GATAD2A: variants seen among roughly 807,000 people sequenced by gnomAD.
The protein encoded by GATAD2A is transcriptional repressor p66-alpha.
GATAD2A carries 12 observed loss-of-function variants against 68.5 expected under a neutral mutation model. The observed-to-expected ratio is 0.18, with a 90% confidence interval of 0.11 to 0.28. The LOEUF (loss-of-function observed/expected upper bound fraction) is 0.28, where lower values mean the gene tolerates loss of function less well. Among genes scored for constraint, GATAD2A ranks in the 10% least tolerant of loss-of-function variants. The pLI, the probability that GATAD2A is intolerant of heterozygous loss-of-function variation, is 1.00. For missense variants in GATAD2A, 755 were observed against 868.5 expected (o/e 0.87, Z 1.64); for synonymous variants, 410 against 375.3 (o/e 1.09, Z -1.07).
At chr19:19,387,042 A>C (rs2048484904) in intron 1 of GATAD2A, among the ~76,000 whole-genome samples, 1 of 151,206 alleles carries the variant, frequency 6.6e-6, no homozygotes. Context: ...TCTCTGAGAG[A>C]CCCTCTGCCT....
chr19:19,438,803 T>C lies in GATAD2A; in HGVS notation c.-6-26537T>C, dbSNP rs145086781. The stretch of plus-strand genomic sequence containing the variant: ...ACAGTCTATAAACAGTCGTGGCACA[T>C]GATACTTAGTGGTCAAATAGGCGGA... On this transcript the variant is annotated intron_variant, in intron 1 of 11. Coordinates refer to ENST00000683918, the MANE Select transcript of GATAD2A (RefSeq NM_001384528.1). 5.3e-3 allele frequency among the ~76,000 whole-genome samples: 803 copies of C among 152,330 alleles called. 6 individuals are homozygous for C. The highest frequency in any genetic ancestry group is 0.041 in the South Asian group (197 of 4,832).
chr19:19,407,048 C>T (rs2050360390), intron 1 of GATAD2A, among the ~76,000 whole-genome samples: 1 of 152,158 alleles, frequency 6.6e-6, no homozygotes, highest in South Asian at 2.1e-4. Context: ...TACCAGTTTA[C>T]TTCTTTCAGT....
intron 2 of GATAD2A, among the ~76,000 whole-genome samples, chr19:19,480,261 T>C (rs1418655291): frequency 1.3e-5 from 2 of 152,208 alleles, no homozygotes; most frequent in African/African-American, 4.8e-5. Context: ...CCATTGAATG[T>C]TGGAAAATAG....
chr19:19,456,410 G>A (rs908621415), intron 1 of GATAD2A, among the ~76,000 whole-genome samples: 1 of 152,208 alleles, frequency 6.6e-6, no homozygotes, highest in East Asian at 1.9e-4. Flanking sequence ...AGTTTTCCCC[G>A]AGGTGAGGGT....
chr19:19,457,126 T>TA, intron 1 of GATAD2A: 1 of 985,388 alleles, frequency 1.0e-6, no homozygotes, highest in South Asian at 4.7e-5. Flanking sequence ...ACGCATCCAG[T>TA]ATGTGCAGCA....
At chr19:19,504,608 A>G (rs1469328063) in intron 11 of GATAD2A, among the ~76,000 whole-genome samples, 1 of 150,616 alleles carries the variant, frequency 6.6e-6, no homozygotes, top group Admixed American at 6.6e-5. Context: ...CAACAACAAC[A>G]ACACTTGAGG....
At chr19:19,502,276 C>T (rs1293966439) in intron 10 of GATAD2A, 55 bp from the exon 11 acceptor site, 5 of 1,359,900 alleles carry the variant, frequency 3.7e-6, no homozygotes, top group African/African-American at 1.4e-5. Context: ...CTGAGTGTCT[C>T]GCCTGCTGCT....
At chr19:19,402,037 T>C (rs1451559719), upstream of GATAD2A, 2 of 152,120 alleles carry the variant, frequency 1.3e-5, no homozygotes, top group Admixed American at 6.6e-5. Flanking sequence ...CAATAAAGTT[T>C]AAAATGAATT....
At chr19:19,468,975 A>G (rs765397335) in intron 2 of GATAD2A, among the ~76,000 whole-genome samples, 1 of 152,254 alleles carries the variant, frequency 6.6e-6, no homozygotes, top group Non-Finnish European at 1.5e-5. Context: ...AATATATGTC[A>G]TATTAGTACA....
intron 1 of GATAD2A, among the ~76,000 whole-genome samples, chr19:19,450,063 T>TA (rs1427109871): frequency 7.9e-5 from 12 of 152,098 alleles, no homozygotes; most frequent in Non-Finnish European, 1.5e-5. Context: ...GTGCTGGGAT[T>TA]AACAGGCATG....
chr19:19,446,459 ATAATTTT>A (rs2055730618), intron 1 of GATAD2A, among the ~76,000 whole-genome samples: 1 of 149,638 alleles, frequency 6.7e-6, no homozygotes, highest in South Asian at 2.1e-4. Context: ...ATGATTTGCT[ATAATTTT>A]TTCCCATTCT....
At position 19,507,753 on chromosome 19, in the gene GATAD2A, CTTTTTT is replaced by C. The variant is rs55702467; in HGVS notation, c.*2285_*2290del. 1 of 150,546 alleles carries C rather than the reference CTTTTTT, an allele frequency of 6.6e-6. No homozygotes were observed. Among genetic ancestry groups the C allele is most frequent in the Non-Finnish European group, 1.5e-5 (1 of 67,480 alleles). 9.3% of individuals were successfully genotyped at this position (150,546 alleles called of 1,614,324 possible). On this transcript the variant is annotated 3_prime_UTR_variant, in exon 12 of 12. Coordinates refer to ENST00000683918, the MANE Select transcript of GATAD2A (RefSeq NM_001384528.1). ...GACAACGTACATACTGTGATGTAAACTTTTTTTTTTTCCCCCCAGGGGGCAAAAGTG... is the reference window on the plus strand; with the variant it reads ...GACAACGTACATACTGTGATGTAAACTTTTTCCCCCCAGGGGGCAAAAGTG...
chr19:19,397,352 C>T lies in GATAD2A; in HGVS notation c.-7+11214C>T, dbSNP rs139264480. ...CCGCCTCCTGGGTTCAAGCGATTCT[C>T]CTGCCTCAGCAGGAGAATGAGTAAT... On this transcript the variant is annotated intron_variant, in intron 1 of 11. Coordinates refer to the GATAD2A transcript ENST00000360315. Among the ~76,000 whole-genome samples the T allele has an allele frequency of 3.7e-3, 568 of 152,110 alleles. 4 individuals are homozygous for T. Among genetic ancestry groups the T allele is most frequent in the African/African-American group, 0.013 (532 of 41,476 alleles).
chr19:19,469,947 G>GAA (rs112539183), intron 2 of GATAD2A, among the ~76,000 whole-genome samples: 15 of 135,244 alleles, frequency 1.1e-4, no homozygotes, highest in South Asian at 4.7e-4. Context: ...GTCTGTCTCA[G>GAA]AAAAAAAAAA....
chr19:19,449,180 G>A (rs8110250), intron 1 of GATAD2A, among the ~76,000 whole-genome samples: 23,840 of 152,188 alleles, frequency 0.16, 1,994 homozygotes, highest in Middle Eastern at 0.28. Context: ...GCACAATAGC[G>A]TGGTGAGTCT....
At chr19:19,435,799 G>A (rs977936227) in intron 1 of GATAD2A, among the ~76,000 whole-genome samples, 5 of 152,170 alleles carry the variant, frequency 3.3e-5, no homozygotes, top group Non-Finnish European at 7.3e-5. Context: ...GCAGTGAGCC[G>A]AGATCGTGCC....
chr19:19,455,167 C>T (rs1490351491), intron 1 of GATAD2A, among the ~76,000 whole-genome samples: 1 of 151,958 alleles, frequency 6.6e-6, no homozygotes, highest in Non-Finnish European at 1.5e-5. Flanking sequence ...CCAGCCTGGG[C>T]AATACAGTGG....
intron 1 of GATAD2A, among the ~76,000 whole-genome samples, chr19:19,433,414 T>A (rs975926502): frequency 2.3e-4 from 35 of 152,198 alleles, no homozygotes; most frequent in Admixed American, 1.9e-3. Flanking sequence ...GTTTTCGTTA[T>A]TCTAGGTCCG....
chr19:19,411,570 G>A lies in GATAD2A; in HGVS notation c.-7+5551G>A, dbSNP rs540114443. The stretch of plus-strand genomic sequence containing the variant: ...CCTGGACTTGCCTTTCAGACTGACA[G>A]CTCTCCAGCCAGCTTGGAGTTGGAC... On this transcript the variant is annotated intron_variant, in intron 1 of 11. Coordinates refer to ENST00000683918, the MANE Select transcript of GATAD2A (RefSeq NM_001384528.1). Among the ~76,000 whole-genome samples, 4 of 152,328 alleles carry A rather than the reference G, an allele frequency of 2.6e-5. No homozygotes were observed. In the East Asian group the frequency reaches 7.7e-4, roughly 29 times the overall value.
Sources: allele counts gnomAD v4.1 joint callset (sites outside exome capture counted in the v4.1 genomes callset), GRCh38; gene constraint gnomAD v4.1.1; transcripts MANE v1.5; gene names NCBI Gene and HGNC (gene_info 2026-07-23, HGNC 2026-07-21).